Variants in STPG2 observed in about 807,000 individuals in gnomAD.
STPG2 encodes sperm-tail PG-rich repeat-containing protein 2.
Under a neutral mutation model 54.2 loss-of-function variants are expected in STPG2, and 56 were observed. That is an observed-to-expected ratio of 1.03 (90% CI 0.83 to 1.29). The LOEUF is 1.29. Ranked by LOEUF, STPG2 falls within the 50% of genes most tolerant of loss-of-function variation. The pLI is 0.00. For synonymous variants in STPG2, 200 were observed against 181.8 expected (o/e 1.10, Z -0.81); for missense variants, 596 against 544.9 (o/e 1.09, Z -0.93).
chr4:98,070,110 A>G (rs1737955571), intron 5 of STPG2, among the ~76,000 whole-genome samples: 1 of 152,020 alleles, frequency 6.6e-6, no homozygotes. Flanking sequence ...CAATGCAAAA[A>G]TTCCTCAAAA....
chr4:97,679,313 C>T (rs979049623), intron 10 of STPG2, among the ~76,000 whole-genome samples: 1 of 151,786 alleles, frequency 6.6e-6, no homozygotes, highest in Non-Finnish European at 1.5e-5. Flanking sequence ...TTAATGATTG[C>T]CATTCTAACT....
At chr4:97,661,934 A>G (rs1429816567) in intron 10 of STPG2, among the ~76,000 whole-genome samples, 1 of 152,156 alleles carries the variant, frequency 6.6e-6, no homozygotes, top group Non-Finnish European at 1.5e-5. Flanking sequence ...ACTCAGCTTG[A>G]ACAATATTGG....
intron 5 of STPG2, among the ~76,000 whole-genome samples, chr4:97,998,322 C>T (rs1233669918): frequency 6.6e-6 from 1 of 152,066 alleles, no homozygotes; most frequent in Non-Finnish European, 1.5e-5. Flanking sequence ...GTCTAACTAC[C>T]TAGACAAAAA....
At chr4:97,709,989 G>A (rs1280913103) in intron 10 of STPG2, among the ~76,000 whole-genome samples, 1 of 151,836 alleles carries the variant, frequency 6.6e-6, no homozygotes, top group Non-Finnish European at 1.5e-5. Flanking sequence ...GATTCTGTGG[G>A]TGGAACCTGA....
Position 97,772,178 on chromosome 4 carries a change from G to A in STPG2, c.1205-59364C>T, listed in dbSNP as rs147241632. Among the ~76,000 whole-genome samples the A allele has an allele frequency of 3.7e-3, 558 of 152,218 alleles. 1 individual carries two copies. Among genetic ancestry groups the A allele is most frequent in the Non-Finnish European group, 5.7e-3 (386 of 68,006 alleles). On this transcript the variant is annotated intron_variant, in intron 9 of 10. Coordinates refer to ENST00000295268, the MANE Select transcript of STPG2 (RefSeq NM_174952.3). Reference sequence around the variant, plus strand: ...AAAAGGTAAATTTTGGAGCTAAGAGGCAATAAATTGAGAGCTGGGATATAT... The same window carrying A: ...AAAAGGTAAATTTTGGAGCTAAGAGACAATAAATTGAGAGCTGGGATATAT...
chr4:97,616,057 AATATAT>A (rs70953077), intron 10 of STPG2, among the ~76,000 whole-genome samples: 759 of 37,398 alleles, frequency 0.02, 26 homozygotes, highest in Admixed American at 0.054. Context: ...AATACATATA[AATATAT>A]ATATATATAT....
intron 9 of STPG2, among the ~76,000 whole-genome samples, chr4:97,818,965 TATATA>T (rs1337322741): frequency 6.8e-6 from 1 of 147,724 alleles, no homozygotes; most frequent in Admixed American, 6.8e-5. Context: ...TACATATTTA[TATATA>T]ATATAAATAA....
chr4:97,800,377 T>C (rs1207984063), intron 9 of STPG2, among the ~76,000 whole-genome samples: 1 of 152,252 alleles, frequency 6.6e-6, no homozygotes, highest in Non-Finnish European at 1.5e-5. Flanking sequence ...ACATCCTTTC[T>C]GTTTGTTAGT....
At chr4:97,618,577 G>C (rs529702125) in intron 10 of STPG2, among the ~76,000 whole-genome samples, 4 of 152,186 alleles carry the variant, frequency 2.6e-5, no homozygotes, top group South Asian at 2.1e-4. Context: ...GTACTTTTAT[G>C]GTTCTAGCTT....
intron 8 of STPG2, among the ~76,000 whole-genome samples, chr4:97,935,185 G>A (rs1248274004): frequency 6.6e-6 from 1 of 152,034 alleles, no homozygotes; most frequent in African/African-American, 2.4e-5. Flanking sequence ...ATATTTCTGT[G>A]GGTTCAATGG....
At chr4:97,647,526 A>C (rs1449230191) in intron 10 of STPG2, among the ~76,000 whole-genome samples, 2 of 152,094 alleles carry the variant, frequency 1.3e-5, no homozygotes, top group Non-Finnish European at 2.9e-5. Context: ...GAGATTCAGC[A>C]GTCCCTGGTC....
chr4:97,739,770 A>C (rs992018088), intron 9 of STPG2, among the ~76,000 whole-genome samples: 2 of 152,204 alleles, frequency 1.3e-5, no homozygotes, highest in Non-Finnish European at 2.9e-5. Context: ...TTCACAGCCA[A>C]ATTCTACCAG....
chr4:97,651,760 T>C (rs760651575), intron 10 of STPG2, among the ~76,000 whole-genome samples: 3 of 151,862 alleles, frequency 2.0e-5, no homozygotes, highest in East Asian at 1.9e-4. Flanking sequence ...CTGATGAAGG[T>C]TGTATGAACT....
chr4:97,782,984 A>G (rs1443901549), intron 9 of STPG2, among the ~76,000 whole-genome samples: 1 of 152,240 alleles, frequency 6.6e-6, no homozygotes, highest in Non-Finnish European at 1.5e-5. Context: ...ACCCTAGAAG[A>G]AAACCTAGGC....
intron 5 of STPG2, among the ~76,000 whole-genome samples, chr4:97,993,008 T>C (rs538837661): frequency 2.6e-5 from 4 of 152,246 alleles, no homozygotes; most frequent in Non-Finnish European, 4.4e-5. Flanking sequence ...TTCAGGTATA[T>C]GATAATGTCA....
At chr4:98,103,166 T>C (rs1739094478) in intron 5 of STPG2, among the ~76,000 whole-genome samples, 1 of 151,964 alleles carries the variant, frequency 6.6e-6, no homozygotes, top group Non-Finnish European at 1.5e-5. Flanking sequence ...ATGTTCATTA[T>C]AAAACAACAG....
intron 10 of STPG2, among the ~76,000 whole-genome samples, chr4:97,590,908 A>G (rs1508466): frequency 0.67 from 101,654 of 151,968 alleles, 34,922 homozygotes; most frequent in African/African-American, 0.83. Flanking sequence ...CTGGATTGAC[A>G]TTAAAATGCA....
chr4:97,599,808 T>C (rs1733408115), intron 10 of STPG2, among the ~76,000 whole-genome samples: 1 of 133,358 alleles, frequency 7.5e-6, no homozygotes, highest in African/African-American at 3.0e-5. Flanking sequence ...TGGGTGACAG[T>C]GTGAGATTCT....
intron 4 of STPG2, among the ~76,000 whole-genome samples, chr4:97,532,473 T>C (rs1280710136): frequency 1.3e-5 from 2 of 152,154 alleles, no homozygotes; most frequent in Admixed American, 6.5e-5. Context: ...TACTTGACGA[T>C]ATAAAGTGGC....
Sources: gnomAD v4.1 joint callset for allele counts (sites outside exome capture counted in the v4.1 genomes callset) on GRCh38, gnomAD v4.1.1 for gene constraint, MANE v1.5 for transcripts, NCBI Gene and HGNC (gene_info 2026-07-23, HGNC 2026-07-21) for gene names.